Variants in MGLL observed in about 807,000 individuals in gnomAD.
The protein encoded by MGLL is monoglyceride lipase, also known as lysophospholipase homolog.
In MGLL, 7 loss-of-function variants were observed where a neutral mutation model predicts 29.1. The ratio of observed to expected loss-of-function variants is 0.24; its 90% CI spans 0.14 to 0.45. MGLL has a LOEUF of 0.45. Ranked by LOEUF, MGLL falls within the 20% of genes least tolerant of loss-of-function variation. The probability of loss-of-function intolerance (pLI) is 0.99; values close to 1 mark genes in which losing one functional copy is unlikely to be tolerated. For synonymous variants in MGLL, 148 were observed against 168.3 expected, an observed-to-expected ratio of 0.88 and a Z score of 0.93; for missense variants, 356 against 413.6, an observed-to-expected ratio of 0.86 and a Z score of 1.21.
intron 3 of MGLL, among the ~76,000 whole-genome samples, chr3:127,775,111 G>A (rs146908592): frequency 0.014 from 2,126 of 152,218 alleles, 20 homozygotes; most frequent in Non-Finnish European, 0.016. Context: ...AGGAGGCAAG[G>A]GGACGAAGGG....
intron 2 of MGLL, among the ~76,000 whole-genome samples, chr3:127,794,588 G>A (rs1257517513): frequency 6.6e-6 from 1 of 152,118 alleles, no homozygotes; most frequent in Admixed American, 6.5e-5. Context: ...TGTGATGTCA[G>A]ACCGTCTTCT....
chr3:127,721,597 C>T (rs2075926482), intron 4 of MGLL, among the ~76,000 whole-genome samples: 1 of 140,480 alleles, frequency 7.1e-6, no homozygotes, highest in Non-Finnish European at 1.5e-5. Flanking sequence ...TAGTAAAGGT[C>T]CTAGAAATTT....
intron 2 of MGLL, among the ~76,000 whole-genome samples, chr3:127,813,619 C>T (rs1200186006): frequency 6.6e-6 from 1 of 152,152 alleles, no homozygotes; most frequent in African/African-American, 2.4e-5. Context: ...AGGAGGCTGC[C>T]CTGCAGCCCT....
chr3:127,735,776 A>G, intron 3 of MGLL: 2 of 1,598,326 alleles, frequency 1.3e-6, no homozygotes, highest in Non-Finnish European at 1.7e-6. Context: ...GTATGGTTTC[A>G]GAGGAGAAAA....
At chr3:127,712,224 A>G (rs1398260572) in intron 5 of MGLL, 1 of 152,154 alleles carries the variant, frequency 6.6e-6, no homozygotes, top group Non-Finnish European at 1.5e-5. Flanking sequence ...TGTAACCCAG[A>G]GCTCTAACCT....
rs145297417 is a variant in MGLL at position 127,709,747 on chromosome 3, G to A, written c.600+829C>T. ...GCTTAATCATGAAGATAATGCTGGT[G>A]TCTTCTGGATGCTTCCTACCCATTA... On this transcript the variant is annotated intron_variant, in intron 6 of 7. Coordinates refer to ENST00000265052, the MANE Select transcript of MGLL (RefSeq NM_007283.7). 9.8e-5 allele frequency among the ~76,000 whole-genome samples: 15 copies of A among 152,292 alleles called. No individual in the cohort carries two copies. The East Asian group carries it at 2.9e-3, about 29-fold the overall frequency.
intron 2 of MGLL, among the ~76,000 whole-genome samples, chr3:127,818,397 A>G (rs548372323): frequency 1.0e-3 from 149 of 149,600 alleles, no homozygotes; most frequent in Middle Eastern, 3.4e-3. Context: ...TTTTTAAGAG[A>G]CAGAATTTCA....
intron 3 of MGLL, among the ~76,000 whole-genome samples, chr3:127,739,917 C>T (rs746964612): frequency 5.3e-5 from 8 of 152,140 alleles, no homozygotes; most frequent in African/African-American, 9.7e-5. Context: ...AGGTGAAGCA[C>T]GTATAGAGAC....
chr3:127,694,873 G>T, intron 7 of MGLL, 102 bp downstream of exon 7: 1 of 1,128,984 alleles, frequency 8.9e-7, no homozygotes, highest in South Asian at 1.3e-5. Flanking sequence ...CCTGAGACCT[G>T]GGAGGTGGCC....
chr3:127,721,121 G>A lies in MGLL; in HGVS notation c.442C>T (p.His148Tyr), dbSNP rs546251969. The change falls in exon 5 of 8, where the codon CAC becomes TAC. Residue 148 changes from histidine to tyrosine, a missense_variant. Physicochemically the swap from His to Tyr is moderately conservative, Grantham distance 83. Coordinates refer to ENST00000265052, the MANE Select transcript of MGLL (RefSeq NM_007283.7). ...GAAATGAGTACCATGCCGGCGAAGT[G>A]GCCCGGCCTCTCTGCGGCCGTGAGG... ...AILTAAERPG[H>Y]FAGMVLISPL... The A allele has an allele frequency of 8.1e-6, 13 of 1,614,258 alleles. No homozygotes were observed. The highest frequency in any genetic ancestry group is 2.2e-5 in the East Asian group (1 of 44,892).
At chr3:127,785,986 C>G (rs766168658) in intron 2 of MGLL, among the ~76,000 whole-genome samples, 2 of 152,220 alleles carry the variant, frequency 1.3e-5, no homozygotes, top group Non-Finnish European at 2.9e-5. Flanking sequence ...TGTCCTGGTG[C>G]AGGAGTCCTG....
In MGLL at chr3:127,740,213, G is replaced by A. The variant is rs139475158; in HGVS notation, c.263-17647C>T. Among the ~76,000 whole-genome samples the A allele has an allele frequency of 7.2e-5, 11 of 152,346 alleles. No individual in the cohort carries two copies. The East Asian group carries it at 1.9e-3, about 27-fold the overall frequency. On this transcript the variant is annotated intron_variant, in intron 3 of 7. Coordinates refer to ENST00000265052, the MANE Select transcript of MGLL (RefSeq NM_007283.7). ...AAATTGACCGCCTTCACTGTCCGAA[G>A]TCACCACTTGTGGCATGAAGCTCGT...
chr3:127,783,609 A>G (rs2077166944), intron 2 of MGLL, among the ~76,000 whole-genome samples: 1 of 152,210 alleles, frequency 6.6e-6, no homozygotes. Context: ...AGTTTGTTTT[A>G]TGGTGCTTTC....
At chr3:127,797,715 C>T (rs1283940363) in intron 2 of MGLL, among the ~76,000 whole-genome samples, 2 of 152,196 alleles carry the variant, frequency 1.3e-5, no homozygotes, top group African/African-American at 4.8e-5. Context: ...TCAAGCGGTC[C>T]TCCCACCTCA....
At chr3:127,768,260 A>T (rs1056582687) in intron 3 of MGLL, among the ~76,000 whole-genome samples, 2 of 152,238 alleles carry the variant, frequency 1.3e-5, no homozygotes, top group Non-Finnish European at 2.9e-5. Flanking sequence ...AAATTCTTTC[A>T]GAACTAACTA....
chr3:127,696,476 C>A (rs1303692104), intron 6 of MGLL, among the ~76,000 whole-genome samples: 1 of 126,406 alleles, frequency 7.9e-6, no homozygotes, highest in Admixed American at 1.0e-4. Context: ...TGCAGTGATA[C>A]GATCTTGGCT....
intron 2 of MGLL, among the ~76,000 whole-genome samples, chr3:127,800,901 G>T (rs190864510): frequency 6.6e-6 from 1 of 152,148 alleles, no homozygotes; most frequent in Non-Finnish European, 1.5e-5. Context: ...TCAGAGTCCC[G>T]TAGAGCTCAC....
intron 3 of MGLL, among the ~76,000 whole-genome samples, chr3:127,751,419 G>A (rs2076556622): frequency 1.3e-5 from 2 of 151,398 alleles, no homozygotes; most frequent in African/African-American, 4.9e-5. Context: ...TTGAAACCCT[G>A]CTGCCACCAG....
chr3:127,725,750 T>C (rs1288511724), intron 3 of MGLL, among the ~76,000 whole-genome samples: 2 of 152,172 alleles, frequency 1.3e-5, no homozygotes, highest in Non-Finnish European at 1.5e-5. Flanking sequence ...TTTATGAATA[T>C]AAAAATGGCT....
Sources: allele counts gnomAD v4.1 joint callset (sites outside exome capture counted in the v4.1 genomes callset), GRCh38; gene constraint gnomAD v4.1.1; transcripts MANE v1.5; gene names NCBI Gene and HGNC (gene_info 2026-07-23, HGNC 2026-07-21).